The following CRACDL variants were observed in gnomAD, a reference collection of about 807,000 sequenced individuals.
The protein encoded by CRACDL is CRACD like, also known as CRACD-like protein.
CRACDL carries 26 observed loss-of-function variants against 70.6 expected under a neutral mutation model. The observed-to-expected ratio is 0.37, with a 90% CI of 0.27 to 0.51. CRACDL has a LOEUF of 0.51. Among genes scored for constraint, CRACDL ranks in the 20% least tolerant of loss-of-function variants. CRACDL has a pLI of 0.94. For missense variants in CRACDL, 1,283 were observed against 1,376.9 expected (o/e 0.93, Z 1.08); for synonymous variants, 618 against 615.2 (o/e 1.00, Z -0.07).
Position 98,794,640 on chromosome 2 carries a change from C to T in CRACDL, c.2781G>A (p.Leu927=), listed in dbSNP as rs775556708. The T allele has an allele frequency of 3.1e-6, 5 of 1,613,640 alleles. No individual in the cohort carries two copies. The Admixed American group carries it at 8.3e-5, about 27-fold the overall frequency. The change falls in exon 10 of 10, where the codon CTG becomes CTA. Residue 927 remains leucine (L), a synonymous_variant. Transcript: ENST00000397899. ...AQSAVMMEKE[L]HQLKRASYAS... Reference sequence around the variant, plus strand: ...CATAACTGGCTCTCTTCAGCTGATGCAGTTCCTTCTCCATCATCACTGCAG... The same window carrying T: ...CATAACTGGCTCTCTTCAGCTGATGTAGTTCCTTCTCCATCATCACTGCAG...
intron 1 of CRACDL, among the ~76,000 whole-genome samples, chr2:98,870,919 A>C (rs996459438): frequency 6.6e-6 from 1 of 152,158 alleles, no homozygotes; most frequent in African/African-American, 2.4e-5. Flanking sequence ...ATCACTCCAC[A>C]CTGAGACAAA....
chr2:98,818,961 A>C (rs1292486524), intron 7 of CRACDL, among the ~76,000 whole-genome samples: 1 of 152,236 alleles, frequency 6.6e-6, no homozygotes, highest in Non-Finnish European at 1.5e-5. Flanking sequence ...TGTTAAAATG[A>C]ATATCATTAA....
intron 2 of CRACDL, among the ~76,000 whole-genome samples, chr2:98,841,584 C>G (rs906252592): frequency 2.6e-5 from 4 of 152,052 alleles, no homozygotes; most frequent in African/African-American, 9.7e-5. Flanking sequence ...GCTCTTCATT[C>G]CTTCTCATAT....
chr2:98,857,825 GTGTA>G (rs1706767210), intron 1 of CRACDL, among the ~76,000 whole-genome samples: 2 of 152,094 alleles, frequency 1.3e-5, no homozygotes, highest in African/African-American at 4.8e-5. Context: ...CCAAAGATGT[GTGTA>G]TGTATGTATG....
chr2:98,866,475 CTTTTTTTTTTTTT>C (rs1173322192), intron 1 of CRACDL, among the ~76,000 whole-genome samples: 319 of 43,260 alleles, frequency 7.4e-3, no homozygotes, highest in African/African-American at 0.028. Context: ...ATCACTTCTT[CTTTTTTTTTTTTT>C]TTTTTTTTTT....
chr2:98,807,392 G>C (rs571596881), intron 7 of CRACDL, among the ~76,000 whole-genome samples: 56 of 152,306 alleles, frequency 3.7e-4, no homozygotes, highest in South Asian at 3.1e-3. Flanking sequence ...GTGGGGAGCT[G>C]TCCTGTGCAC....
At chr2:98,927,191 G>C (rs1488602119) in intron 1 of CRACDL, among the ~76,000 whole-genome samples, 2 of 152,194 alleles carry the variant, frequency 1.3e-5, no homozygotes, top group Admixed American at 6.5e-5. Context: ...TTCCTCCACG[G>C]CTCCACTAAT....
intron 3 of CRACDL, among the ~76,000 whole-genome samples, chr2:98,836,087 A>G (rs145752388): frequency 6.6e-6 from 1 of 152,352 alleles, no homozygotes; most frequent in Non-Finnish European, 1.5e-5. Context: ...TCTGCAGGAC[A>G]CATGGCCCTG....
At chr2:98,863,275 C>A (rs890879087) in intron 1 of CRACDL, among the ~76,000 whole-genome samples, 1 of 152,140 alleles carries the variant, frequency 6.6e-6, no homozygotes, top group African/African-American at 2.4e-5. Context: ...AAAAAAATGT[C>A]AAGCATGAGT....
intron 1 of CRACDL, among the ~76,000 whole-genome samples, chr2:98,887,725 G>A (rs967771362): frequency 4.6e-5 from 7 of 152,100 alleles, no homozygotes; most frequent in African/African-American, 1.7e-4. Context: ...AAACAGTCAA[G>A]CCCAAAGACA....
chr2:98,819,149 A>G (rs770250552), intron 7 of CRACDL, among the ~76,000 whole-genome samples: 12 of 152,234 alleles, frequency 7.9e-5, no homozygotes, highest in African/African-American at 1.4e-4. Flanking sequence ...TCAAAGAAAA[A>G]TACACAAAGT....
chr2:98,814,938 A>G (rs576445731), intron 7 of CRACDL, among the ~76,000 whole-genome samples: 111 of 152,228 alleles, frequency 7.3e-4, no homozygotes, highest in Admixed American at 2.0e-3. Flanking sequence ...ATAATGTTCC[A>G]TTTTATCACT....
At chr2:98,896,517 C>A (rs958194315) in intron 1 of CRACDL, among the ~76,000 whole-genome samples, 7 of 152,324 alleles carry the variant, frequency 4.6e-5, no homozygotes, top group African/African-American at 1.4e-4. Context: ...GGCAGAGCTG[C>A]AAACTCCACA....
intron 5 of CRACDL, among the ~76,000 whole-genome samples, chr2:98,828,756 T>G (rs1250235573): frequency 6.6e-6 from 1 of 152,252 alleles, no homozygotes; most frequent in Non-Finnish European, 1.5e-5. Context: ...TTGAATTCTC[T>G]TTTAGCTACT....
intron 7 of CRACDL, among the ~76,000 whole-genome samples, chr2:98,804,073 T>C (rs1704192222): frequency 6.6e-6 from 1 of 152,314 alleles, no homozygotes; most frequent in Middle Eastern, 3.4e-3. Flanking sequence ...GATCAATACA[T>C]GCTGGCAACG....
intron 2 of CRACDL, among the ~76,000 whole-genome samples, chr2:98,842,469 C>T (rs954582025): frequency 3.9e-5 from 6 of 152,046 alleles, no homozygotes; most frequent in South Asian, 2.1e-4. Context: ...AAATTACACA[C>T]GGTAAAATTC....
intron 1 of CRACDL, among the ~76,000 whole-genome samples, chr2:98,913,260 G>A (rs541415313): frequency 6.6e-6 from 1 of 152,326 alleles, no homozygotes; most frequent in African/African-American, 2.4e-5. Flanking sequence ...AGGCATGTCT[G>A]TAACCCACTT....
At chr2:98,916,603 C>G (rs2104685595) in intron 1 of CRACDL, among the ~76,000 whole-genome samples, 1 of 152,154 alleles carries the variant, frequency 6.6e-6, no homozygotes, top group Non-Finnish European at 1.5e-5. Flanking sequence ...TATATGTTTC[C>G]TTCCAGTCTT....
chr2:98,796,181 C>T lies in CRACDL; in HGVS notation c.2688G>A (p.Gly896=), dbSNP rs765836804. 1.2e-6 allele frequency: 2 copies of T among 1,614,152 alleles called. No homozygotes were observed. Among genetic ancestry groups the T allele is most frequent in the Non-Finnish European group, 1.7e-6 (2 of 1,179,994 alleles). The change falls in exon 9 of 10, where the codon GGG becomes GGA. Residue 896 remains glycine (G), a synonymous_variant. Transcript: ENST00000397899. ...PVKPAVDRKQ[G]AKLNFKEGLQ... ...GCCCCTCCTTGAAGTTGAGCTTTGC[C>T]CCCTGCTTCCGGTCCACAGCGGGCT...
Sources: allele counts gnomAD v4.1 joint callset (sites outside exome capture counted in the v4.1 genomes callset), GRCh38; gene constraint gnomAD v4.1.1; transcripts MANE v1.5; gene names NCBI Gene and HGNC (gene_info 2026-07-23, HGNC 2026-07-21).